MYT1: variants seen among roughly 807,000 people sequenced by gnomAD.
MYT1 encodes myelin transcription factor 1.
A neutral mutation model predicts 123.0 loss-of-function variants in MYT1; 23 were observed. The observed-to-expected ratio is 0.19, with a 90% CI of 0.13 to 0.26. The LOEUF is 0.26. MYT1 is among the 10% of genes least tolerant of loss of function. MYT1 has a pLI of 1.00. For synonymous variants in MYT1, 518 were observed against 575.3 expected (o/e 0.90, Z 1.43); for missense variants, 1,125 against 1,472.5 (o/e 0.76, Z 3.86).
At position 64,211,799 on chromosome 20, in the gene MYT1, G is replaced by A. The variant is rs557268745; in HGVS notation, c.1427-249G>A. 3.9e-5 allele frequency among the ~76,000 whole-genome samples: 6 copies of A among 152,310 alleles called. No individual in the cohort carries two copies. In the East Asian group the frequency reaches 5.8e-4, roughly 15 times the overall value. On this transcript the variant is annotated intron_variant, in intron 8 of 22. Transcript: ENST00000328439. ...TTTAAAGCTGAGTCTGGTTTCTGCC[G>A]CAGGAGGGAGGGACCACAGTGGTGG...
intron 22 of MYT1, among the ~76,000 whole-genome samples, 176 bp from the exon 23 acceptor site, chr20:64,240,144 T>C (rs1245881691): frequency 6.6e-6 from 1 of 152,174 alleles, no homozygotes; most frequent in African/African-American, 2.4e-5. Flanking sequence ...GGTGATTCCA[T>C]GAGCAGAGAG....
intron 7 of MYT1, among the ~76,000 whole-genome samples, chr20:64,210,234 A>G (rs1983625386): frequency 6.6e-6 from 1 of 152,224 alleles, no homozygotes; most frequent in Non-Finnish European, 1.5e-5. Flanking sequence ...ACCCAAAGGG[A>G]CACGGCCCCG....
chr20:64,170,882 TATAGAGAG>T (rs1372972948), intron 1 of MYT1, among the ~76,000 whole-genome samples: 8 of 41,348 alleles, frequency 1.9e-4, no homozygotes, highest in Non-Finnish European at 2.4e-4. Context: ...TATATATATA[TATAGAGAG>T]AGAGAGAGAG....
At chr20:64,216,190 A>G (rs1298559860) in intron 10 of MYT1, among the ~76,000 whole-genome samples, 1 of 152,150 alleles carries the variant, frequency 6.6e-6, no homozygotes, top group Non-Finnish European at 1.5e-5. Flanking sequence ...CTGATTGTAC[A>G]CTTTCCAGAC....
intron 2 of MYT1, among the ~76,000 whole-genome samples, chr20:64,197,983 G>A (rs1983172661): frequency 6.6e-6 from 1 of 152,120 alleles, no homozygotes; most frequent in Non-Finnish European, 1.5e-5. Context: ...GGTGCGTGAG[G>A]GGCATTAAAG....
At chr20:64,227,773 C>A in intron 17 of MYT1, 115 bp from the exon 18 acceptor site, 1 of 869,060 alleles carries the variant, frequency 1.2e-6, no homozygotes. Context: ...GTTGCCCTCA[C>A]TCCCTCCCAC....
intron 10 of MYT1, 56 bp from the exon 11 acceptor site, chr20:64,217,011 G>A: frequency 1.3e-6 from 2 of 1,535,236 alleles, no homozygotes; most frequent in East Asian, 4.5e-5. Flanking sequence ...GGGGAGGGTG[G>A]CACGGGATCC....
rs1303020959 is a variant in MYT1, at chr20:64,232,461, T to A, written c.2897+76T>A. ...GCCTGGGGCCTGGGGCTGAAGCTCC[T>A]GAGGGAGGGCCAGACCAGGGCTCCG... On this transcript the variant is annotated intron_variant, in intron 19 of 22. Transcript: ENST00000328439. The surrounding 1 kb of genome is among the most constrained non-coding windows in gnomAD (Gnocchi z 6.9). 15 of 1,455,480 alleles carry A rather than the reference T, an allele frequency of 1.0e-5. No individual in the cohort carries two copies. The highest frequency in any genetic ancestry group is 1.4e-5 in the Non-Finnish European group (15 of 1,047,484). The allele number at this position is 1,455,480 out of a possible 1,614,324, so 90.2% of individuals were successfully genotyped here.
rs1465623923 is a variant in MYT1 at position 64,231,004 on chromosome 20, C to T, written c.2676-1160C>T. Among the ~76,000 whole-genome samples the T allele has an allele frequency of 2.0e-5, 3 of 152,290 alleles. No homozygotes were observed. Among genetic ancestry groups the T allele is most frequent in the East Asian group, 3.9e-4 (2 of 5,166 alleles). On this transcript the variant is annotated intron_variant, in intron 18 of 22. Coordinates refer to ENST00000328439, the MANE Select transcript of MYT1 (RefSeq NM_004535.3). The surrounding 1 kb of genome is among the most constrained non-coding windows in gnomAD (Gnocchi z 6.4). Reference sequence around the variant, plus strand: ...TTCCACTGGGCAGCGCAGCCCTGAGCCGCCTCTCACCCCTACGGCGGGAGC... The same window carrying T: ...TTCCACTGGGCAGCGCAGCCCTGAGTCGCCTCTCACCCCTACGGCGGGAGC...
rs1983905946 is a variant in MYT1, at chr20:64,218,564, T to A, written c.1847-347T>A. Among the ~76,000 whole-genome samples the A allele has an allele frequency of 6.6e-6, 1 of 152,200 alleles. No individual in the cohort carries two copies. Among genetic ancestry groups the A allele is most frequent in the Non-Finnish European group, 1.5e-5 (1 of 68,022 alleles). The stretch of plus-strand genomic sequence containing the variant: ...GTTTGAAATATCAGGGCTGCTGGAA[T>A]GTCTTGGAGGCTTTTACTCCTTTTG... On this transcript the variant is annotated intron_variant, in intron 11 of 22. Coordinates refer to ENST00000328439, the MANE Select transcript of MYT1 (RefSeq NM_004535.3). The surrounding 1 kb of genome is among the most constrained non-coding windows in gnomAD (Gnocchi z 4.0).
rs112807553 is a variant in MYT1, at chr20:64,185,620, C to T, written c.-98-4443C>T. Among the ~76,000 whole-genome samples the T allele has an allele frequency of 9.2e-3, 1,400 of 152,288 alleles. 8 individuals carry two copies. Among genetic ancestry groups the T allele is most frequent in the Non-Finnish European group, 0.015 (989 of 68,008 alleles). On this transcript the variant is annotated intron_variant, in intron 1 of 22. Transcript: ENST00000328439. This position sits in a 1 kb window ranked among gnomAD's most constrained non-coding sequence, Gnocchi z 4.5. The stretch of plus-strand genomic sequence containing the variant: ...GGATCAGAGCTAACTGCCACAGGGA[C>T]TCCCATCCGGAGGCCCAGGGGATGC...
At chr20:64,181,575 C>G (rs1324902927) in intron 1 of MYT1, among the ~76,000 whole-genome samples, 3 of 152,184 alleles carry the variant, frequency 2.0e-5, no homozygotes, top group Non-Finnish European at 4.4e-5. Flanking sequence ...CCATATCTGC[C>G]CTGTCCACAT....
chr20:64,232,123 A>G lies in MYT1; in HGVS notation c.2676-41A>G, dbSNP rs1385733999. 4 of 1,598,538 alleles carry G rather than the reference A, an allele frequency of 2.5e-6. No individual in the cohort carries two copies. In the African/African-American group the frequency reaches 4.0e-5, roughly 16 times the overall value. On this transcript the variant is annotated intron_variant, in intron 18 of 22. Coordinates refer to ENST00000328439, the MANE Select transcript of MYT1 (RefSeq NM_004535.3). This position sits in a 1 kb window ranked among gnomAD's most constrained non-coding sequence, Gnocchi z 6.9. ...GAGAGTCTCCAGGCTTCTCCTCCCAACCCTTCGCCCCTGTACTCACCCCGG... is the reference window on the plus strand; with the variant it reads ...GAGAGTCTCCAGGCTTCTCCTCCCAGCCCTTCGCCCCTGTACTCACCCCGG...
In MYT1 at chr20:64,217,819, G is replaced by C. The variant is rs557493082; in HGVS notation, c.1846+538G>C. ...TTACTGGATACAATGTGTTATCTGTGACATTAGTAACAAATTTTCTGGGTA... is the reference window on the plus strand; with the variant it reads ...TTACTGGATACAATGTGTTATCTGTCACATTAGTAACAAATTTTCTGGGTA... On this transcript the variant is annotated intron_variant, in intron 11 of 22. Transcript: ENST00000328439. 3.3e-5 allele frequency among the ~76,000 whole-genome samples: 5 copies of C among 152,350 alleles called. No individual in the cohort carries two copies. In the South Asian group the frequency reaches 8.3e-4, roughly 25 times the overall value.
rs1051944476 is a variant in MYT1, at chr20:64,193,808, T to C, written c.-1+3648T>C. 6.6e-5 allele frequency among the ~76,000 whole-genome samples: 10 copies of C among 152,348 alleles called. 1 individual carries two copies. The highest frequency in any genetic ancestry group is 5.8e-4 in the East Asian group (3 of 5,188). ...GCTCAACCGTCCCACCGAGACACTA[T>C]AACCTATGTAATTTTATGGATTTTT... On this transcript the variant is annotated intron_variant, in intron 2 of 22. Coordinates refer to ENST00000328439, the MANE Select transcript of MYT1 (RefSeq NM_004535.3). This position sits in a 1 kb window ranked among gnomAD's most constrained non-coding sequence, Gnocchi z 4.0.
chr20:64,189,507 G>A lies in MYT1; in HGVS notation c.-98-556G>A, dbSNP rs1188989779. ...AAGATGCTGGAAACCAGGGCAAAGA[G>A]CATGCTGGGGCCCCCGGGATCCTGC... On this transcript the variant is annotated intron_variant, in intron 1 of 22. Transcript: ENST00000328439. The surrounding 1 kb of genome is among the most constrained non-coding windows in gnomAD (Gnocchi z 5.5). Among the ~76,000 whole-genome samples the A allele has an allele frequency of 6.6e-6, 1 of 152,236 alleles. No individual in the cohort carries two copies. Among genetic ancestry groups the A allele is most frequent in the South Asian group, 2.1e-4 (1 of 4,838 alleles).
At chr20:64,234,054 G>C (rs1248818770) in intron 19 of MYT1, among the ~76,000 whole-genome samples, 2 of 152,220 alleles carry the variant, frequency 1.3e-5, no homozygotes, top group Non-Finnish European at 2.9e-5. Context: ...GGCCACTAAA[G>C]GAGACTACTG....
At chr20:64,227,787 A>T in intron 17 of MYT1, 101 bp from the exon 18 acceptor site, 1 of 629,156 alleles carries the variant, frequency 1.6e-6, no homozygotes, top group Non-Finnish European at 2.7e-6. Flanking sequence ...CTCCCACCCC[A>T]CCCTGGGGTC....
Position 64,181,710 on chromosome 20 carries a change from G to A in MYT1, c.-98-8353G>A, listed in dbSNP as rs143757257. Among the ~76,000 whole-genome samples the A allele has an allele frequency of 4.8e-4, 73 of 152,340 alleles. No individual in the cohort carries two copies. In the East Asian group the frequency reaches 0.013, roughly 27 times the overall value. ...AACACTCATTTGCTCATCCAGTGCA[G>A]GTTCCTCCCACAGGCCAGGAAAGGT... is the stretch of plus-strand genomic sequence containing the variant. On this transcript the variant is annotated intron_variant, in intron 1 of 22. Coordinates refer to ENST00000328439, the MANE Select transcript of MYT1 (RefSeq NM_004535.3).
Sources: gnomAD v4.1 joint callset for allele counts (sites outside exome capture counted in the v4.1 genomes callset) on GRCh38, gnomAD v4.1.1 for gene constraint, Gnocchi (gnomAD v3.1) non-coding constraint, MANE v1.5 for transcripts, NCBI Gene and HGNC (gene_info 2026-07-23, HGNC 2026-07-21) for gene names.